The following NXPH2 variants were observed in gnomAD, a reference collection of about 807,000 sequenced individuals.
NXPH2 encodes the protein neurexophilin 2, also known as neurexophilin-2.
NXPH2 carries 5 observed loss-of-function variants against 19.8 expected under a neutral mutation model. The ratio of observed to expected loss-of-function variants is 0.25; its 90% CI spans 0.13 to 0.53. NXPH2 has a LOEUF of 0.53. Ranked by LOEUF, NXPH2 falls within the 20% of genes least tolerant of loss-of-function variation. The pLI is 0.96. For missense variants in NXPH2, 289 were observed against 322.8 expected, an observed-to-expected ratio of 0.90 and a Z score of 0.80; for synonymous variants, 154 against 127.4, an observed-to-expected ratio of 1.21 and a Z score of -1.41.
chr2:138,750,893 G>C (rs917096727), intron 1 of NXPH2, among the ~76,000 whole-genome samples: 1 of 152,124 alleles, frequency 6.6e-6, no homozygotes, highest in East Asian at 1.9e-4. Flanking sequence ...GAGGTGATTG[G>C]ATCTTGTTCG....
intron 1 of NXPH2, among the ~76,000 whole-genome samples, chr2:138,759,133 A>G (rs17599328): frequency 0.054 from 8,250 of 152,200 alleles, 305 homozygotes; most frequent in South Asian, 0.086. Flanking sequence ...AATTTTTTTA[A>G]CCAATACATC....
intron 1 of NXPH2, among the ~76,000 whole-genome samples, chr2:138,767,688 A>G (rs930019230): frequency 6.6e-6 from 1 of 152,112 alleles, no homozygotes; most frequent in African/African-American, 2.4e-5. Flanking sequence ...TTTCCTAAGT[A>G]ATCTATCTTG....
intron 1 of NXPH2, among the ~76,000 whole-genome samples, chr2:138,701,903 C>T (rs1054610015): frequency 1.3e-5 from 2 of 152,096 alleles, no homozygotes; most frequent in South Asian, 2.1e-4. Context: ...GTGAACACCA[C>T]CCACACAGGC....
intron 1 of NXPH2, among the ~76,000 whole-genome samples, chr2:138,715,791 C>CCCAGGTCCA (rs1558920527): frequency 6.6e-6 from 1 of 152,184 alleles, no homozygotes; most frequent in Non-Finnish European, 1.5e-5. Context: ...TCTTTTCCTT[C>CCCAGGTCCA]CCAGGTCCAG....
intron 1 of NXPH2, among the ~76,000 whole-genome samples, chr2:138,724,654 A>C (rs550763410): frequency 1.3e-5 from 2 of 152,354 alleles, no homozygotes; most frequent in East Asian, 3.9e-4. Flanking sequence ...GTAGCTCATA[A>C]CATATGACTG....
chr2:138,720,285 A>G lies in NXPH2; in HGVS notation c.52-48620T>C, dbSNP rs1681258256. 3.9e-5 allele frequency among the ~76,000 whole-genome samples: 6 copies of G among 152,250 alleles called. No individual in the cohort carries two copies. In the South Asian group the frequency reaches 1.2e-3, roughly 31 times the overall value. On this transcript the variant is annotated intron_variant, in intron 1 of 1. Coordinates refer to ENST00000272641, the MANE Select transcript of NXPH2 (RefSeq NM_007226.3). ...GGAGAGTCTTGTCTTCTTACATACAATCCTCAGTAACAGAAAACAAGTATG... is the reference window on the plus strand; with the variant it reads ...GGAGAGTCTTGTCTTCTTACATACAGTCCTCAGTAACAGAAAACAAGTATG...
At chr2:138,746,221 G>T (rs1681731190) in intron 1 of NXPH2, among the ~76,000 whole-genome samples, 1 of 152,204 alleles carries the variant, frequency 6.6e-6, no homozygotes, top group Non-Finnish European at 1.5e-5. Flanking sequence ...ATGTCCCTGG[G>T]TACCTATGGA....
chr2:138,734,586 T>C (rs1681510092), intron 1 of NXPH2, among the ~76,000 whole-genome samples: 1 of 152,000 alleles, frequency 6.6e-6, no homozygotes, highest in Non-Finnish European at 1.5e-5. Flanking sequence ...GAATGTGAAA[T>C]AGAGAGGGTG....
At chr2:138,778,637 C>T (rs1682302759) in intron 1 of NXPH2, among the ~76,000 whole-genome samples, 1 of 152,002 alleles carries the variant, frequency 6.6e-6, no homozygotes, top group African/African-American at 2.4e-5. Context: ...TTCTGAAGAC[C>T]CCACATAAAC....
chr2:138,757,857 C>CTA (rs1276655881), intron 1 of NXPH2, among the ~76,000 whole-genome samples: 8 of 146,650 alleles, frequency 5.5e-5, no homozygotes, highest in Non-Finnish European at 9.2e-5. Flanking sequence ...ATCTATCTAT[C>CTA]TATCTATCTC....
rs72986888 is a variant in NXPH2 at position 138,695,167 on chromosome 2, A to G, written c.52-23502T>C. Among the ~76,000 whole-genome samples the G allele has an allele frequency of 3.5e-3, 535 of 152,286 alleles. 3 individuals are homozygous for G. The highest frequency in any genetic ancestry group is 8.7e-3 in the African/African-American group (362 of 41,546). On this transcript the variant is annotated intron_variant, in intron 1 of 1. Transcript: ENST00000272641. Reference sequence around the variant, plus strand: ...ATATCATTGCCTGGTGAGAAAAATAAGTTGCATAAATAGGAAATCCAAGAA... The same window carrying G: ...ATATCATTGCCTGGTGAGAAAAATAGGTTGCATAAATAGGAAATCCAAGAA...
chr2:138,754,694 G>C (rs1196092893), intron 1 of NXPH2, among the ~76,000 whole-genome samples: 3 of 152,076 alleles, frequency 2.0e-5, no homozygotes, highest in Non-Finnish European at 4.4e-5. Flanking sequence ...CAAACCTATT[G>C]GGTAAATATC....
chr2:138,685,102 T>C (rs1680628286), intron 1 of NXPH2, among the ~76,000 whole-genome samples: 1 of 152,198 alleles, frequency 6.6e-6, no homozygotes, highest in Non-Finnish European at 1.5e-5. Flanking sequence ...AAAAAGGTTA[T>C]TCTTGATTAT....
rs773519304 is a variant in NXPH2, at chr2:138,671,643, A to C, written c.74T>G (p.Val25Gly). The C allele has an allele frequency of 6.4e-7, 1 of 1,570,658 alleles. No individual in the cohort carries two copies. Among genetic ancestry groups the C allele is most frequent in the African/African-American group, 1.4e-5 (1 of 73,128 alleles). Reference protein sequence around the residue: ...LQLLFCDSKEVVHATEGLDWE... With the variant: ...LQLLFCDSKEGVHATEGLDWE... ...ATCCAGCCCCTCCGTGGCATGCACC[A>C]CTTCCTTACTGTCACAAAATAGCTG... Residue 25 changes from valine to glycine, a missense_variant, in exon 2 of 2, where the codon GTG becomes GGG. Transcript: ENST00000272641.
chr2:138,669,397 T>C lies in NXPH2; in HGVS notation c.*1525A>G, dbSNP rs1680381835. ...CAGAGCAAGAACTTCAAGCCTGTAC[T>C]ACCACACACTAAGCTTAGTACAATT... On this transcript the variant is annotated 3_prime_UTR_variant, in exon 2 of 2. Coordinates refer to ENST00000272641, the MANE Select transcript of NXPH2 (RefSeq NM_007226.3). Among the ~76,000 whole-genome samples, 1 of 152,154 alleles carries C rather than the reference T, an allele frequency of 6.6e-6. No individual in the cohort carries two copies. Among genetic ancestry groups the C allele is most frequent in the Non-Finnish European group, 1.5e-5 (1 of 68,008 alleles).
intron 1 of NXPH2, among the ~76,000 whole-genome samples, chr2:138,756,834 T>C (rs1681917394): frequency 6.6e-6 from 1 of 152,280 alleles, no homozygotes; most frequent in Non-Finnish European, 1.5e-5. Context: ...GACTAAGAGG[T>C]AATTTATTGT....
intron 1 of NXPH2, among the ~76,000 whole-genome samples, chr2:138,683,876 A>C (rs1680611648): frequency 6.6e-6 from 1 of 152,206 alleles, no homozygotes; most frequent in South Asian, 2.1e-4. Context: ...TTTCACTTAA[A>C]TGTAAATATT....
At chr2:138,767,868 C>A (rs1198119855) in intron 1 of NXPH2, among the ~76,000 whole-genome samples, 1 of 152,060 alleles carries the variant, frequency 6.6e-6, no homozygotes, top group Admixed American at 6.6e-5. Context: ...CTGGATTTAT[C>A]CTCTGTGTCT....
intron 1 of NXPH2, among the ~76,000 whole-genome samples, chr2:138,760,683 C>T (rs1681997769): frequency 6.6e-6 from 1 of 152,172 alleles, no homozygotes; most frequent in African/African-American, 2.4e-5. Context: ...CCTGGCGGTT[C>T]CTGGCACCAC....
Sources: allele counts gnomAD v4.1 joint callset (sites outside exome capture counted in the v4.1 genomes callset), GRCh38; gene constraint gnomAD v4.1.1; transcripts MANE v1.5; gene names NCBI Gene and HGNC (gene_info 2026-07-23, HGNC 2026-07-21).